DMXL2: variants seen among roughly 807,000 people sequenced by gnomAD.
The protein encoded by DMXL2 is Dmx like 2.
DMXL2 carries 103 observed loss-of-function variants against 331.1 expected under a neutral mutation model. The ratio of observed to expected loss-of-function variants is 0.31; its 90% confidence interval spans 0.27 to 0.37. The LOEUF (loss-of-function observed/expected upper bound fraction) is 0.37. Ranked by LOEUF, DMXL2 falls within the 10% of genes least tolerant of loss-of-function variation. The pLI is 1.00. For missense variants in DMXL2, 3,171 were observed against 3,642.9 expected, an observed-to-expected ratio of 0.87 and a Z score of 3.33; for synonymous variants, 1,281 against 1,252.1, an observed-to-expected ratio of 1.02 and a Z score of -0.49.
chr15:51,457,472 A>G lies in DMXL2; in HGVS notation c.8199-6T>C. 1 of 1,613,672 alleles carries G rather than the reference A, an allele frequency of 6.2e-7. No homozygotes were observed. The highest frequency in any genetic ancestry group is 2.2e-5 in the East Asian group (1 of 44,878). ...GATAATCAACATCATCTGAACTGTG[A>G]AAAACATTCATGTGTTACTGTGAAC... On this transcript the variant is annotated splice_polypyrimidine_tract_variant and splice_region_variant and intron_variant, in intron 36 of 43. Coordinates refer to ENST00000560891, the MANE Select transcript of DMXL2 (RefSeq NM_001378457.1).
chr15:51,464,362 T>C (rs1294657053), intron 32 of DMXL2, among the ~76,000 whole-genome samples: 2 of 152,226 alleles, frequency 1.3e-5, no homozygotes, highest in Non-Finnish European at 1.5e-5. Flanking sequence ...ATTGCACCAC[T>C]GCTCTCCATC....
At chr15:51,617,061 G>T (rs538442196) in intron 1 of DMXL2, among the ~76,000 whole-genome samples, 1 of 151,430 alleles carries the variant, frequency 6.6e-6, no homozygotes, top group South Asian at 2.1e-4. Flanking sequence ...AATTAAATTG[G>T]TCAGGCATGA....
Position 51,500,038 on chromosome 15 carries a change from G to A in DMXL2, c.3186C>T (p.Ser1062=). 6.2e-7 allele frequency: 1 copy of A among 1,614,110 alleles called. No individual in the cohort carries two copies. Among genetic ancestry groups the A allele is most frequent in the Non-Finnish European group, 8.5e-7 (1 of 1,180,022 alleles). The change falls in exon 18 of 44, where the codon AGC becomes AGT. Residue 1062 remains serine, a synonymous_variant. Transcript: ENST00000560891. ...GTCTTCCCACAATGCTCACTGTACT[G>A]CTATTATCTTCTCCTTCATCATTCA... ...PLMNDEGEDN[S]STVSIVGRPV... is the part of the protein sequence containing the mutation.
At chr15:51,496,058 T>C (rs2043153850) in intron 18 of DMXL2, among the ~76,000 whole-genome samples, 2 of 152,080 alleles carry the variant, frequency 1.3e-5, no homozygotes, top group African/African-American at 2.4e-5. Flanking sequence ...TTGCCCAAGA[T>C]GGTCTAAAAG....
intron 30 of DMXL2, among the ~76,000 whole-genome samples, 159 bp downstream of exon 30, chr15:51,466,025 T>C (rs2040535549): frequency 6.6e-6 from 1 of 152,208 alleles, no homozygotes; most frequent in South Asian, 2.1e-4. Context: ...AAACACTATG[T>C]AGACATTGAC....
At chr15:51,554,508 G>A (rs1369468355) in intron 6 of DMXL2, among the ~76,000 whole-genome samples, 1 of 152,312 alleles carries the variant, frequency 6.6e-6, no homozygotes, top group East Asian at 1.9e-4. Context: ...ATTCTGACAA[G>A]TGTACCCTTC....
chr15:51,485,314 A>G (rs933444954), intron 23 of DMXL2, among the ~76,000 whole-genome samples: 1 of 152,218 alleles, frequency 6.6e-6, no homozygotes, highest in Non-Finnish European at 1.5e-5. Flanking sequence ...CAAGTTGTCA[A>G]AAGTCAAAGA....
intron 18 of DMXL2, among the ~76,000 whole-genome samples, chr15:51,496,844 T>C (rs974293417): frequency 6.6e-6 from 1 of 152,228 alleles, no homozygotes; most frequent in African/African-American, 2.4e-5. Context: ...AGAACTCATT[T>C]ACTTAGAATC....
chr15:51,474,274 CA>C, intron 28 of DMXL2, 69 bp downstream of exon 28: 1 of 1,464,994 alleles, frequency 6.8e-7, no homozygotes, highest in Non-Finnish European at 9.1e-7. Flanking sequence ...TTTCTTGAAA[CA>C]TTAAAAAAAA....
intron 1 of DMXL2, among the ~76,000 whole-genome samples, chr15:51,589,113 G>A (rs2052091485): frequency 6.6e-6 from 1 of 152,114 alleles, no homozygotes; most frequent in South Asian, 2.1e-4. Context: ...ATAACCAGCT[G>A]GAAAAGATGA....
At chr15:51,515,051 C>T (rs1213598636) in intron 14 of DMXL2, among the ~76,000 whole-genome samples, 1 of 152,076 alleles carries the variant, frequency 6.6e-6, no homozygotes, top group Non-Finnish European at 1.5e-5. Context: ...ATCCCAATAG[C>T]TCTGTCTAGT....
At chr15:51,454,235 A>G (rs982482085) in intron 40 of DMXL2, 1 of 152,252 alleles carries the variant, frequency 6.6e-6, no homozygotes, top group African/African-American at 2.4e-5. Flanking sequence ...GTATTTGGGT[A>G]ATCTATCTGG....
chr15:51,476,776 T>A, intron 26 of DMXL2, 57 bp from the exon 27 acceptor site: 1 of 1,454,474 alleles, frequency 6.9e-7, no homozygotes, highest in Non-Finnish European at 9.2e-7. Flanking sequence ...AAATTGCACT[T>A]TATGTATATC....
intron 1 of DMXL2, among the ~76,000 whole-genome samples, chr15:51,577,796 G>T (rs1184259570): frequency 6.6e-6 from 1 of 152,090 alleles, no homozygotes; most frequent in Admixed American, 6.6e-5. Context: ...TTTCAGTTTT[G>T]GTTATGCCAT....
intron 1 of DMXL2, among the ~76,000 whole-genome samples, chr15:51,607,068 GA>G (rs2053636377): frequency 6.6e-6 from 1 of 151,970 alleles, no homozygotes; most frequent in African/African-American, 2.4e-5. Context: ...TGAGGCAGGA[GA>G]ATCGCTTGAA....
chr15:51,452,632 A>C (rs1240774798), intron 41 of DMXL2, among the ~76,000 whole-genome samples: 9 of 152,192 alleles, frequency 5.9e-5, no homozygotes, highest in Admixed American at 5.9e-4. Flanking sequence ...GGGACACCTC[A>C]CTGCTGGTGG....
At chr15:51,619,185 T>C (rs1469184327) in intron 1 of DMXL2, among the ~76,000 whole-genome samples, 1 of 152,198 alleles carries the variant, frequency 6.6e-6, no homozygotes, top group East Asian at 1.9e-4. Context: ...TGAAGGGTAG[T>C]AAGAAATGTC....
intron 13 of DMXL2, among the ~76,000 whole-genome samples, chr15:51,528,907 C>A (rs1339663697): frequency 6.6e-6 from 1 of 152,136 alleles, no homozygotes; most frequent in Admixed American, 6.5e-5. Context: ...TAATATCAAG[C>A]ATCTTCTCTG....
chr15:51,601,276 G>A (rs2053207663), intron 1 of DMXL2, among the ~76,000 whole-genome samples: 1 of 93,840 alleles, frequency 1.1e-5, no homozygotes, highest in African/African-American at 3.8e-5. Context: ...GGGTGACAAA[G>A]CAAGACTCCA....
Sources: gnomAD v4.1 joint callset for allele counts (sites outside exome capture counted in the v4.1 genomes callset) on GRCh38, gnomAD v4.1.1 for gene constraint, MANE v1.5 for transcripts, NCBI Gene and HGNC (gene_info 2026-07-23, HGNC 2026-07-21) for gene names.